Variants in APMAP observed in about 807,000 individuals in gnomAD.
APMAP encodes adipocyte plasma membrane associated protein, also known as adipocyte plasma membrane-associated protein.
A neutral mutation model predicts 43.6 loss-of-function variants in APMAP; 33 were observed. The ratio of observed to expected loss-of-function variants is 0.76; its 90% CI spans 0.57 to 1.01. The LOEUF (loss-of-function observed/expected upper bound fraction) is 1.01, where lower values mean the gene tolerates loss of function less well. APMAP is among the 50% of genes least tolerant of loss of function. The pLI is 0.00. For synonymous variants in APMAP, 224 were observed against 216.7 expected, an observed-to-expected ratio of 1.03 and a Z score of -0.30; for missense variants, 498 against 540.7, an observed-to-expected ratio of 0.92 and a Z score of 0.78.
intron 2 of APMAP, among the ~76,000 whole-genome samples, chr20:24,979,777 G>A (rs1213111962): frequency 1.3e-5 from 2 of 152,048 alleles, no homozygotes; most frequent in East Asian, 1.9e-4. Context: ...TCTGAGCACC[G>A]CAACCTGGCC....
At chr20:24,977,367 G>A (rs2122508535) in intron 3 of APMAP, among the ~76,000 whole-genome samples, 1 of 152,292 alleles carries the variant, frequency 6.6e-6, no homozygotes, top group East Asian at 1.9e-4. Context: ...ATTTTGCTGT[G>A]AACCTAAAAC....
intron 8 of APMAP, among the ~76,000 whole-genome samples, chr20:24,965,908 G>A (rs2087938482): frequency 6.6e-6 from 1 of 152,212 alleles, no homozygotes. Flanking sequence ...GTCCTGTGGT[G>A]TTGTCATGGT....
intron 3 of APMAP, among the ~76,000 whole-genome samples, chr20:24,976,796 T>G (rs922822539): frequency 6.6e-6 from 1 of 152,220 alleles, no homozygotes; most frequent in Non-Finnish European, 1.5e-5. Flanking sequence ...TGTACTTCAG[T>G]AGGTAACTAA....
intron 2 of APMAP, among the ~76,000 whole-genome samples, chr20:24,980,761 C>T (rs538913464): frequency 1.3e-5 from 2 of 151,920 alleles, no homozygotes; most frequent in East Asian, 3.9e-4. Flanking sequence ...GACCTACCAG[C>T]TTCGCTCGGC....
intron 3 of APMAP, among the ~76,000 whole-genome samples, chr20:24,977,088 A>T (rs1279093606): frequency 6.6e-6 from 1 of 152,262 alleles, no homozygotes; most frequent in Non-Finnish European, 1.5e-5. Context: ...AACACCCTGT[A>T]AGATACCATA....
chr20:24,965,995 G>A (rs1025565773), intron 8 of APMAP, among the ~76,000 whole-genome samples: 1 of 152,188 alleles, frequency 6.6e-6, no homozygotes, highest in Non-Finnish European at 1.5e-5. Flanking sequence ...GCAGGTATAT[G>A]TGAGTATGCA....
chr20:24,986,196 A>G (rs529570030), intron 1 of APMAP, among the ~76,000 whole-genome samples: 1 of 152,196 alleles, frequency 6.6e-6, no homozygotes, highest in Admixed American at 6.5e-5. Context: ...TTCTTCTAAT[A>G]ATCTTCCAAA....
chr20:24,978,155 C>T (rs138060537), intron 3 of APMAP, among the ~76,000 whole-genome samples: 1 of 152,358 alleles, frequency 6.6e-6, no homozygotes, highest in Non-Finnish European at 1.5e-5. Flanking sequence ...CTATCTGTGA[C>T]TATCTGTGCC....
chr20:24,973,735 C>T lies in APMAP; in HGVS notation c.331G>A (p.Val111Met). 6.2e-7 allele frequency: 1 copy of T among 1,613,758 alleles called. No individual in the cohort carries two copies. Among genetic ancestry groups the T allele is most frequent in the South Asian group, 1.1e-5 (1 of 91,072 alleles). Residue 111 changes from valine to methionine, a missense_variant and splice_region_variant, in exon 4 of 9, where the codon GTG becomes ATG. Physicochemically the swap from Val to Met is conservative, Grantham distance 21 (BLOSUM62 1). Transcript: ENST00000217456. ...GPESIAHIGD[V>M]MFTGTADGRV... is the part of the protein sequence containing the mutation. ...CCATCTGCTGTCCCAGTAAACATCACATCTGTTTAAAAACACAAAAAGGAG... is the reference window on the plus strand; with the variant it reads ...CCATCTGCTGTCCCAGTAAACATCATATCTGTTTAAAAACACAAAAAGGAG...
rs1313947407 is a variant in APMAP, at chr20:24,973,664, C to G, written c.402G>C (p.Arg134=). The G allele has an allele frequency of 1.9e-6, 3 of 1,613,994 alleles. No homozygotes were observed. The Admixed American group carries it at 5.0e-5, about 27-fold the overall frequency. The change falls in exon 4 of 9, where the codon CGG becomes CGC. Residue 134 remains arginine (R), a synonymous_variant. Coordinates refer to ENST00000217456, the MANE Select transcript of APMAP (RefSeq NM_020531.3). ...ACTTACTGCAAGGGCCCGAACCAAA[C>G]CGGGCAATGGTCTCTATTTCACCAT... ...LENGEIETIA[R]FGSGPCKTRD...
Position 24,992,602 on chromosome 20 carries a change from CT to C in APMAP, c.86del (p.Lys29ArgfsTer13). ...CTGGGAGTCCGCCCTACCTGCCGTC[CT>C]TAGCCTCCGGGGCCTGGCCATCATC... ...TDDDGQAPEA[K>X]DGSSFSGRVF... On this transcript the variant is annotated frameshift_variant, in exon 1 of 9. Transcript: ENST00000217456. LOFTEE classifies it high-confidence loss of function. 1 of 1,557,980 alleles carries C rather than the reference CT, an allele frequency of 6.4e-7. No individual in the cohort carries two copies. Among genetic ancestry groups the C allele is most frequent in the Non-Finnish European group, 8.7e-7 (1 of 1,151,138 alleles).
chr20:24,966,320 G>C (rs2087942531), intron 8 of APMAP, among the ~76,000 whole-genome samples: 2 of 152,216 alleles, frequency 1.3e-5, no homozygotes, highest in South Asian at 4.1e-4. Context: ...TCACCATTAA[G>C]AACATGGGAA....
In APMAP at chr20:24,963,575, A is replaced by G. The variant is rs914458332; in HGVS notation, c.*238T>C. On this transcript the variant is annotated 3_prime_UTR_variant, in exon 9 of 9. Transcript: ENST00000217456. ...TTTGTTTAAGAGAAAATGGCTTTAC[A>G]TGAATTTATGTTCCTCATGGCAGAT... 1 of 550,080 alleles carries G rather than the reference A, an allele frequency of 1.8e-6. No individual in the cohort carries two copies. Among genetic ancestry groups the G allele is most frequent in the Non-Finnish European group, 3.2e-6 (1 of 308,024 alleles). 34.1% of individuals were successfully genotyped at this position (550,080 alleles called of 1,614,324 possible).
chr20:24,987,970 G>C (rs76470333), intron 1 of APMAP, among the ~76,000 whole-genome samples: 2 of 152,274 alleles, frequency 1.3e-5, no homozygotes, highest in Non-Finnish European at 2.9e-5. Flanking sequence ...AAACGCTTCT[G>C]ACAGTGTGAA....
In APMAP at chr20:24,978,776, G is replaced by A. The variant is rs2088075004; in HGVS notation, c.319C>T (p.His107Tyr). 6.3e-7 allele frequency: 1 copy of A among 1,582,946 alleles called. No individual in the cohort carries two copies. The highest frequency in any genetic ancestry group is 8.6e-7 in the Non-Finnish European group (1 of 1,160,708). The change falls in exon 3 of 9, where the codon CAT becomes TAT. Residue 107 changes from histidine (H) to tyrosine (Y), a missense_variant. His to Tyr is a moderately conservative substitution (Grantham distance 83, BLOSUM62 2). Transcript: ENST00000217456. ...NQLVGPESIA[H>Y]IGDVMFTGTA... ...CCAAGCTTAGACTTACCCCCAATATGTGCTATGGACTCCGGTCCAACAAGT... is the reference window on the plus strand; with the variant it reads ...CCAAGCTTAGACTTACCCCCAATATATGCTATGGACTCCGGTCCAACAAGT...
intron 5 of APMAP, among the ~76,000 whole-genome samples, chr20:24,970,850 G>A (rs6132775): frequency 0.092 from 14,035 of 152,226 alleles, 749 homozygotes; most frequent in Middle Eastern, 0.19. Flanking sequence ...AATTTGATGA[G>A]GAAGCTGGGC....
chr20:24,985,777 G>A (rs543605387), intron 1 of APMAP, among the ~76,000 whole-genome samples: 14 of 151,944 alleles, frequency 9.2e-5, no homozygotes, highest in African/African-American at 2.9e-4. Context: ...GTAAAACTAC[G>A]GATGTTAAAA....
chr20:24,966,027 G>A (rs191372739), intron 8 of APMAP, among the ~76,000 whole-genome samples: 15 of 152,272 alleles, frequency 9.9e-5, no homozygotes, highest in East Asian at 9.7e-4. Flanking sequence ...TACTCCCAGC[G>A]TTGTCCCTTA....
chr20:24,978,738 G>T, intron 3 of APMAP, 29 bp downstream of exon 3: 1 of 1,309,726 alleles, frequency 7.6e-7, no homozygotes, highest in Non-Finnish European at 1.1e-6. Flanking sequence ...AGCCTGGAAG[G>T]CTCCCCCCCC....
Sources: allele counts gnomAD v4.1 joint callset (sites outside exome capture counted in the v4.1 genomes callset), GRCh38; gene constraint gnomAD v4.1.1; transcripts MANE v1.5; gene names NCBI Gene and HGNC (gene_info 2026-07-23, HGNC 2026-07-21).